Variants in FAM178B observed in about 807,000 individuals in gnomAD.
FAM178B encodes the protein protein FAM178B.
FAM178B carries 82 observed loss-of-function variants against 91.7 expected under a neutral mutation model. The ratio of observed to expected loss-of-function variants is 0.89; its 90% CI spans 0.75 to 1.07. The LOEUF (loss-of-function observed/expected upper bound fraction) is 1.07, where lower values mean the gene tolerates loss of function less well. Among genes scored for constraint, FAM178B ranks in the 50% least tolerant of loss-of-function variants. The pLI, the probability that FAM178B is intolerant of heterozygous loss-of-function variation, is 0.00. For missense variants in FAM178B, 769 were observed against 846.7 expected, an observed-to-expected ratio of 0.91 and a Z score of 1.14; for synonymous variants, 368 against 359.4, an observed-to-expected ratio of 1.02 and a Z score of -0.27.
intron 14 of FAM178B, among the ~76,000 whole-genome samples, chr2:96,880,571 G>A (rs1329586865): frequency 5.3e-5 from 8 of 152,176 alleles, no homozygotes; most frequent in Non-Finnish European, 1.2e-4. Flanking sequence ...ACTCATACAA[G>A]GAGAATACAA....
intron 1 of FAM178B, 135 bp from the exon 2 acceptor site, chr2:96,972,741 C>G (rs1290787486): frequency 2.9e-6 from 2 of 689,444 alleles, no homozygotes; most frequent in African/African-American, 1.8e-5. Flanking sequence ...GCCTTCTGAT[C>G]CCACCAAGGT....
At chr2:96,950,109 A>T (rs1574291747) in intron 7 of FAM178B, 1 of 985,308 alleles carries the variant, frequency 1.0e-6, no homozygotes, top group Admixed American at 6.1e-5. Flanking sequence ...CCTGGAAGAA[A>T]CCGACACGCC....
intron 1 of FAM178B, among the ~76,000 whole-genome samples, chr2:96,973,242 C>A (rs1334665062): frequency 6.6e-6 from 1 of 151,338 alleles, no homozygotes; most frequent in African/African-American, 2.4e-5. Context: ...ACAAAACCAG[C>A]ACAGCTCAGC....
intron 12 of FAM178B, among the ~76,000 whole-genome samples, chr2:96,911,480 T>C (rs2081156785): frequency 6.6e-6 from 1 of 152,184 alleles, no homozygotes; most frequent in Non-Finnish European, 1.5e-5. Flanking sequence ...GGGTGGCATG[T>C]GAGCCTGGGA....
chr2:96,958,687 C>T (rs1351617291), intron 6 of FAM178B, among the ~76,000 whole-genome samples: 1 of 76,028 alleles, frequency 1.3e-5, no homozygotes, highest in Non-Finnish European at 2.3e-5. Flanking sequence ...GAGACTCCAT[C>T]TCAAAATACT....
intron 8 of FAM178B, among the ~76,000 whole-genome samples, chr2:96,936,100 C>CT (rs1316375135): frequency 6.6e-6 from 1 of 152,080 alleles, no homozygotes; most frequent in African/African-American, 2.4e-5. Context: ...ACAGAAACTA[C>CT]TTTCTGATCA....
intron 9 of FAM178B, among the ~76,000 whole-genome samples, chr2:96,924,474 G>A (rs2081401013): frequency 6.6e-6 from 1 of 152,202 alleles, no homozygotes; most frequent in Non-Finnish European, 1.5e-5. Context: ...TTAGAGACCA[G>A]GGCTGGGGAA....
rs115254268 is a variant in FAM178B, at chr2:96,878,986, G to A, written c.1777-493C>T. On this transcript the variant is annotated intron_variant, in intron 14 of 16. Coordinates refer to ENST00000490605, the MANE Select transcript of FAM178B (RefSeq NM_001122646.3). ...TTTTGGCTGAGCGTCTGCACATCTC[G>A]CCTCCATCCTCATTCCTGCCAACTG... Among the ~76,000 whole-genome samples, 703 of 152,294 alleles carry A rather than the reference G, an allele frequency of 4.6e-3. 3 individuals carry two copies. Among genetic ancestry groups the A allele is most frequent in the African/African-American group, 0.016 (685 of 41,560 alleles).
intron 1 of FAM178B, among the ~76,000 whole-genome samples, chr2:96,983,715 C>T (rs948141566): frequency 2.6e-5 from 4 of 152,212 alleles, no homozygotes; most frequent in African/African-American, 9.6e-5. Context: ...TGAGCCACTG[C>T]ATCCAGCCAA....
chr2:96,876,841 GAGCCAGCCC>G (rs1305616804), intron 16 of FAM178B, among the ~76,000 whole-genome samples: 1 of 152,092 alleles, frequency 6.6e-6, no homozygotes, highest in Admixed American at 6.5e-5. Context: ...AGGAGACCCC[GAGCCAGCCC>G]AGCAGGGTGC....
At chr2:96,881,449 G>A (rs2080381864) in intron 14 of FAM178B, among the ~76,000 whole-genome samples, 1 of 151,980 alleles carries the variant, frequency 6.6e-6, no homozygotes, top group African/African-American at 2.4e-5. Flanking sequence ...GGACTGGGAG[G>A]GGCGAAAGGG....
intron 13 of FAM178B, among the ~76,000 whole-genome samples, chr2:96,902,272 A>G (rs1409954497): frequency 6.6e-6 from 1 of 151,392 alleles, no homozygotes; most frequent in Non-Finnish European, 1.5e-5. Flanking sequence ...CACCTGGCTA[A>G]TTTTTTGTAT....
intron 4 of FAM178B, among the ~76,000 whole-genome samples, chr2:96,970,433 G>T (rs2082201755): frequency 1.3e-5 from 2 of 152,198 alleles, no homozygotes; most frequent in African/African-American, 2.4e-5. Context: ...CCCTTGAGTG[G>T]GAGGAGACAC....
intron 7 of FAM178B, chr2:96,949,958 G>T: frequency 2.0e-6 from 2 of 984,656 alleles, no homozygotes; most frequent in Non-Finnish European, 2.4e-6. Flanking sequence ...GGCAGGGCCA[G>T]AACTCACACC....
At chr2:96,887,779 G>A (rs2080565100) in intron 14 of FAM178B, among the ~76,000 whole-genome samples, 1 of 152,098 alleles carries the variant, frequency 6.6e-6, no homozygotes, top group Non-Finnish European at 1.5e-5. Flanking sequence ...AGGATGAGGA[G>A]ACCCAGGTAG....
chr2:96,904,118 C>G (rs2080985636), intron 12 of FAM178B, among the ~76,000 whole-genome samples: 2 of 151,906 alleles, frequency 1.3e-5, no homozygotes, highest in African/African-American at 4.8e-5. Flanking sequence ...GTGTAGATGC[C>G]CACCCCATGC....
At chr2:96,886,985 C>T (rs569989018) in intron 14 of FAM178B, among the ~76,000 whole-genome samples, 10 of 152,226 alleles carry the variant, frequency 6.6e-5, no homozygotes, top group South Asian at 2.1e-4. Context: ...GAGGCAGAGG[C>T]GGGCGGATCA....
chr2:96,907,039 G>A (rs917814761), intron 12 of FAM178B, among the ~76,000 whole-genome samples: 1 of 152,164 alleles, frequency 6.6e-6, no homozygotes, highest in Non-Finnish European at 1.5e-5. Context: ...GAAGAGGCGG[G>A]CAGGGTGGGT....
chr2:96,943,213 A>G (rs1197640883), intron 8 of FAM178B, among the ~76,000 whole-genome samples: 1 of 152,238 alleles, frequency 6.6e-6, no homozygotes, highest in Non-Finnish European at 1.5e-5. Flanking sequence ...CCACAAAATG[A>G]GAGAAAACAT....
Sources: gnomAD v4.1 joint callset for allele counts (sites outside exome capture counted in the v4.1 genomes callset) on GRCh38, gnomAD v4.1.1 for gene constraint, MANE v1.5 for transcripts, NCBI Gene and HGNC (gene_info 2026-07-23, HGNC 2026-07-21) for gene names.